The following NSD2 variants were observed in gnomAD, a reference collection of about 807,000 sequenced individuals.
NSD2 encodes the protein nuclear receptor binding SET domain protein 2, also known as histone-lysine N-methyltransferase NSD2.
In NSD2, 12 loss-of-function variants were observed where a neutral mutation model predicts 139.0. The observed-to-expected ratio is 0.09, with a 90% CI of 0.06 to 0.14. The LOEUF (loss-of-function observed/expected upper bound fraction) is 0.14, where lower values mean the gene tolerates loss of function less well. NSD2 is among the 10% of genes least tolerant of loss of function. NSD2 has a pLI of 1.00. For synonymous variants in NSD2, 669 were observed against 648.7 expected (o/e 1.03, Z -0.48); for missense variants, 1,155 against 1,745.0 (o/e 0.66, Z 6.02).
At chr4:1,930,581 T>C in intron 5 of NSD2, 45 bp from the exon 6 acceptor site, 1 of 1,544,222 alleles carries the variant, frequency 6.5e-7, no homozygotes, top group Non-Finnish European at 8.8e-7. Context: ...ACCCAATGAG[T>C]TTTACGGATT....
chr4:1,935,411 T>A (rs1722274827), intron 7 of NSD2, 149 bp downstream of exon 7: 4 of 625,968 alleles, frequency 6.4e-6, no homozygotes, highest in Non-Finnish European at 1.1e-5. Flanking sequence ...AGGCTTGCAT[T>A]TCTTACAGAA....
chr4:1,972,365 C>T lies in NSD2; in HGVS notation c.3373-2498C>T, dbSNP rs1021149014. Among the ~76,000 whole-genome samples the T allele has an allele frequency of 8.5e-5, 13 of 152,052 alleles. No homozygotes were observed. The highest frequency in any genetic ancestry group is 1.5e-4 in the Non-Finnish European group (10 of 68,014). ...CCCCAGTGCAAGCTCGTTGTAGGTGCGATAAAAATAGCAAAAACGTTTAAA... is the reference window on the plus strand; with the variant it reads ...CCCCAGTGCAAGCTCGTTGTAGGTGTGATAAAAATAGCAAAAACGTTTAAA... On this transcript the variant is annotated intron_variant, in intron 18 of 21. Coordinates refer to ENST00000508803, the MANE Select transcript of NSD2 (RefSeq NM_001042424.3). This position sits in a 1 kb window ranked among gnomAD's most constrained non-coding sequence, Gnocchi z 4.0.
At chr4:1,938,340 AT>A (rs960876112) in intron 7 of NSD2, 110 bp from the exon 8 acceptor site, 108 of 949,460 alleles carry the variant, frequency 1.1e-4, no homozygotes, top group Admixed American at 2.0e-4. Context: ...ACATGAGGAG[AT>A]TTTTTTTCCT....
rs1332964394 is a variant in NSD2, at chr4:1,955,655, G to C, written c.2519-38G>C. On this transcript the variant is annotated intron_variant, in intron 13 of 21. Transcript: ENST00000508803. The surrounding 1 kb of genome is among the most constrained non-coding windows in gnomAD (Gnocchi z 4.7). ...ACTGAATCTGGGCTGAGCCATAGCA[G>C]ACAGGCTAAGCCTGGCCGCCTCGCC... is the stretch of plus-strand genomic sequence containing the variant. The C allele has an allele frequency of 6.3e-7, 1 of 1,583,046 alleles. No individual in the cohort carries two copies. The highest frequency in any genetic ancestry group is 8.6e-7 in the Non-Finnish European group (1 of 1,162,848).
In NSD2 at chr4:1,951,443, T is replaced by TCCACACAC. The variant is rs1310266241; in HGVS notation, c.2013+240_2013+241insCCACACAC. 1.6e-3 allele frequency among the ~76,000 whole-genome samples: 163 copies of TCCACACAC among 101,080 alleles called. 55 individuals are homozygous for TCCACACAC. Among genetic ancestry groups the TCCACACAC allele is most frequent in the East Asian group, 6.1e-3 (18 of 2,954 alleles). The allele number at this position is 101,080 out of a possible 152,430, so 66.3% of individuals were successfully genotyped here. On this transcript the variant is annotated intron_variant, in intron 10 of 21. Coordinates refer to ENST00000508803, the MANE Select transcript of NSD2 (RefSeq NM_001042424.3). Reference sequence around the variant, plus strand: ...TGAGATTTGTATACACATCATGTAATACACACACACACACACACACACACA... The same window carrying TCCACACAC: ...TGAGATTTGTATACACATCATGTAATCCACACACACACACACACACACACACACACACA...
chr4:1,948,233 G>GA lies in NSD2; in HGVS notation c.1882-2836dup. The GA allele has an allele frequency of 9.4e-7, 1 of 1,064,622 alleles. No homozygotes were observed. The highest frequency in any genetic ancestry group is 1.1e-6 in the Non-Finnish European group (1 of 878,452). 65.9% of individuals were successfully genotyped at this position (1,064,622 alleles called of 1,614,324 possible). ...CTGTGGTGGACGCGGGAAACAACGG[G>GA]AAAGTTCTTGACAGAGTCTGTGTCC... On this transcript the variant is annotated intron_variant, in intron 9 of 21. Coordinates refer to ENST00000508803, the MANE Select transcript of NSD2 (RefSeq NM_001042424.3). This position sits in a 1 kb window ranked among gnomAD's most constrained non-coding sequence, Gnocchi z 4.5.
At chr4:1,902,478 C>T (rs1717314711) in intron 2 of NSD2, among the ~76,000 whole-genome samples, 1 of 152,128 alleles carries the variant, frequency 6.6e-6, no homozygotes. Context: ...CCCACCTCTG[C>T]CTCCTGAAGT....
At position 1,976,703 on chromosome 4, in the gene NSD2, C is replaced by T; in HGVS notation, c.3826+24C>T. ...CGGTGGGTGTGCAGCCTCGCGGTGG[C>T]TTGCAGCTGTGTCTGTGTGGCAGGC... On this transcript the variant is annotated intron_variant, in intron 21 of 21. Transcript: ENST00000508803. The surrounding 1 kb of genome is among the most constrained non-coding windows in gnomAD (Gnocchi z 5.3). 3 of 1,546,438 alleles carry T rather than the reference C, an allele frequency of 1.9e-6. No individual in the cohort carries two copies. The highest frequency in any genetic ancestry group is 2.6e-6 in the Non-Finnish European group (3 of 1,144,606).
At chr4:1,926,589 G>A (rs1720946241) in intron 5 of NSD2, among the ~76,000 whole-genome samples, 5 of 151,806 alleles carry the variant, frequency 3.3e-5, no homozygotes, top group Admixed American at 3.3e-4. Flanking sequence ...TCCCCCCTCA[G>A]CCTTCCTAGT....
At chr4:1,893,543 GTTTTT>G (rs774429583) in intron 1 of NSD2, among the ~76,000 whole-genome samples, 3 of 121,420 alleles carry the variant, frequency 2.5e-5, no homozygotes, top group African/African-American at 8.8e-5. Context: ...TTTGTTTTTT[GTTTTT>G]TTTTTTTTTT....
intron 11 of NSD2, chr4:1,952,681 A>G: frequency 9.5e-7 from 1 of 1,052,650 alleles, no homozygotes; most frequent in Non-Finnish European, 1.1e-6. Flanking sequence ...CTCAGTTTCA[A>G]CAGAAAGAAC....
intron 1 of NSD2, among the ~76,000 whole-genome samples, chr4:1,873,758 A>C (rs1714045367): frequency 6.6e-6 from 1 of 151,678 alleles, no homozygotes; most frequent in Admixed American, 6.6e-5. Flanking sequence ...AATTAGGCTT[A>C]CTAAGCTACA....
chr4:1,967,433 C>T lies in NSD2; in HGVS notation c.3372+6282C>T, dbSNP rs28463244. ...TCTCTACTAAAAATACAAAAATTAG[C>T]TGGGCGTGGTGGCGGGCGCCCATAA... On this transcript the variant is annotated intron_variant, in intron 18 of 21. Transcript: ENST00000508803. Among the ~76,000 whole-genome samples the T allele has an allele frequency of 4.4e-3, 676 of 152,208 alleles. 6 individuals are homozygous for T. Among genetic ancestry groups the T allele is most frequent in the African/African-American group, 0.015 (640 of 41,536 alleles).
intron 11 of NSD2, chr4:1,952,812 G>A: frequency 8.4e-7 from 1 of 1,191,756 alleles, no homozygotes; most frequent in Non-Finnish European, 1.0e-6. Context: ...CACAGCCGTG[G>A]CCCTTCCTGC....
chr4:1,882,962 T>C (rs1457986152), intron 1 of NSD2, among the ~76,000 whole-genome samples: 2 of 152,194 alleles, frequency 1.3e-5, no homozygotes, highest in African/African-American at 4.8e-5. Context: ...AGGAGGCTGT[T>C]GGCGTCAGTC....
chr4:1,884,149 G>A (rs1714906151), intron 1 of NSD2, among the ~76,000 whole-genome samples: 1 of 152,136 alleles, frequency 6.6e-6, no homozygotes, highest in African/African-American at 2.4e-5. Flanking sequence ...AGGCTGGAGT[G>A]CAGTGGCATG....
intron 9 of NSD2, chr4:1,943,552 T>A (rs1384197848): frequency 2.9e-6 from 3 of 1,049,782 alleles, no homozygotes; most frequent in African/African-American, 1.7e-5. Context: ...GAACACTGGA[T>A]TTGTGTGTGT....
At chr4:1,910,124 T>G (rs1718470518) in intron 3 of NSD2, among the ~76,000 whole-genome samples, 1 of 152,168 alleles carries the variant, frequency 6.6e-6, no homozygotes, top group Non-Finnish European at 1.5e-5. Context: ...TTTGGAAATC[T>G]TAAGTTAATG....
At chr4:1,904,440 C>A in intron 3 of NSD2, 62 bp downstream of exon 3, 8 of 1,521,202 alleles carry the variant, frequency 5.3e-6, no homozygotes, top group Non-Finnish European at 6.2e-6. Flanking sequence ...TTCTCATCTC[C>A]AGGCTTCTTT....
Sources: allele counts gnomAD v4.1 joint callset (sites outside exome capture counted in the v4.1 genomes callset), GRCh38; gene constraint gnomAD v4.1.1; non-coding constraint Gnocchi (gnomAD v3.1); transcripts MANE v1.5; gene names NCBI Gene and HGNC (gene_info 2026-07-23, HGNC 2026-07-21).